GAREM1: variants seen among roughly 807,000 people sequenced by gnomAD.
GAREM1 encodes the protein GRB2-associated and regulator of MAPK protein 1.
A neutral mutation model predicts 71.3 loss-of-function variants in GAREM1; 26 were observed. That is an observed-to-expected ratio of 0.36 (90% CI 0.27 to 0.51). GAREM1 has a LOEUF of 0.51. GAREM1 is among the 20% of genes least tolerant of loss of function. GAREM1 has a pLI of 0.95. For missense variants in GAREM1, 1,026 were observed against 1,103.1 expected (o/e 0.93, Z 0.99); for synonymous variants, 440 against 433.2 (o/e 1.02, Z -0.20).
rs146799196 is a variant in GAREM1, at chr18:32,291,843, A to G, written c.394-3640T>C. ...AACTCATCCTTTTTTATGGCTGCAT[A>G]GTATTCCATGGTATATATCTGCCAC... On this transcript the variant is annotated intron_variant, in intron 3 of 5. Coordinates refer to ENST00000269209, the MANE Select transcript of GAREM1 (RefSeq NM_001242409.2). Among the ~76,000 whole-genome samples the G allele has an allele frequency of 6.7e-3, 1,016 of 152,292 alleles. 18 individuals carry two copies. The highest frequency in any genetic ancestry group is 0.045 in the East Asian group (235 of 5,184).
intron 3 of GAREM1, among the ~76,000 whole-genome samples, chr18:32,309,349 C>T (rs923428751): frequency 1.3e-5 from 2 of 149,340 alleles, no homozygotes; most frequent in African/African-American, 2.5e-5. Context: ...GACACGGTGG[C>T]TCACACCTGT....
At chr18:32,314,352 A>G (rs989471989) in intron 2 of GAREM1, among the ~76,000 whole-genome samples, 88 of 152,142 alleles carry the variant, frequency 5.8e-4, no homozygotes, top group Admixed American at 2.0e-4. Flanking sequence ...AGTTAGACAG[A>G]TGCCTAATTT....
intron 2 of GAREM1, among the ~76,000 whole-genome samples, chr18:32,355,290 A>G (rs2047793039): frequency 6.6e-6 from 1 of 152,160 alleles, no homozygotes; most frequent in African/African-American, 2.4e-5. Context: ...ACAACTCACA[A>G]AGCAAGAGGC....
At chr18:32,350,022 G>C (rs2047732066) in intron 2 of GAREM1, among the ~76,000 whole-genome samples, 2 of 152,212 alleles carry the variant, frequency 1.3e-5, no homozygotes, top group African/African-American at 4.8e-5. Context: ...TATGAAGTGG[G>C]AGAAAGAAAC....
chr18:32,276,586 C>T (rs892359095), intron 4 of GAREM1, among the ~76,000 whole-genome samples: 3 of 152,090 alleles, frequency 2.0e-5, no homozygotes, highest in Non-Finnish European at 4.4e-5. Context: ...GGTAATTTTA[C>T]TGAGAAAGTC....
At chr18:32,343,420 T>A (rs2047666780) in intron 2 of GAREM1, among the ~76,000 whole-genome samples, 1 of 151,260 alleles carries the variant, frequency 6.6e-6, no homozygotes, top group African/African-American at 2.4e-5. Flanking sequence ...GTTCAAGTGA[T>A]TCTCCTGCCT....
chr18:32,350,162 G>A (rs1689031), intron 2 of GAREM1, among the ~76,000 whole-genome samples: 1 of 152,044 alleles, frequency 6.6e-6, no homozygotes, highest in Non-Finnish European at 1.5e-5. Context: ...TATTTGAAAA[G>A]TTGAAAACTG....
At chr18:32,311,230 TTAG>T (rs2047318850) in intron 2 of GAREM1, among the ~76,000 whole-genome samples, 1 of 152,204 alleles carries the variant, frequency 6.6e-6, no homozygotes, top group East Asian at 1.9e-4. Flanking sequence ...ACAGTGTTTC[TTAG>T]TAGTTATTTT....
intron 3 of GAREM1, among the ~76,000 whole-genome samples, chr18:32,289,164 G>C (rs1280562049): frequency 1.7e-4 from 26 of 152,082 alleles, no homozygotes; most frequent in Admixed American, 1.7e-3. Flanking sequence ...CTGCAGCCTT[G>C]ACCTCCCAAG....
At chr18:32,373,840 A>T (rs562604187) in intron 2 of GAREM1, among the ~76,000 whole-genome samples, 1 of 152,372 alleles carries the variant, frequency 6.6e-6, no homozygotes, top group African/African-American at 2.4e-5. Context: ...TTTATAAATC[A>T]GTCTTTAAGG....
intron 2 of GAREM1, among the ~76,000 whole-genome samples, chr18:32,347,017 G>A (rs528685117): frequency 6.6e-6 from 1 of 152,300 alleles, no homozygotes; most frequent in East Asian, 1.9e-4. Context: ...AGAATTTGGA[G>A]AAGTCTGAAT....
chr18:32,466,959 A>C (rs945634911), intron 1 of GAREM1, among the ~76,000 whole-genome samples: 2 of 152,232 alleles, frequency 1.3e-5, no homozygotes, highest in African/African-American at 4.8e-5. Flanking sequence ...TATCATACAA[A>C]GGCAAATTTC....
Position 32,452,107 on chromosome 18 carries a change from G to A in GAREM1, c.121+18201C>T, listed in dbSNP as rs374290176. On this transcript the variant is annotated intron_variant, in intron 1 of 5. Coordinates refer to ENST00000269209, the MANE Select transcript of GAREM1 (RefSeq NM_001242409.2). The stretch of plus-strand genomic sequence containing the variant: ...GAGGTCATCATTAGCTAGCCAAGAC[G>A]TGCACAATGGCCCAAGATTCTGCAT... 7.8e-4 allele frequency among the ~76,000 whole-genome samples: 119 copies of A among 152,232 alleles called. 1 individual carries two copies. The highest frequency in any genetic ancestry group is 3.4e-3 in the Middle Eastern group (1 of 294).
At chr18:32,437,670 C>T (rs998642904) in intron 1 of GAREM1, among the ~76,000 whole-genome samples, 7 of 151,598 alleles carry the variant, frequency 4.6e-5, no homozygotes, top group South Asian at 2.1e-4. Context: ...CCTCTGAATG[C>T]GGAGACAGAT....
intron 2 of GAREM1, among the ~76,000 whole-genome samples, chr18:32,338,710 T>C (rs1338642975): frequency 6.6e-6 from 1 of 152,188 alleles, no homozygotes; most frequent in African/African-American, 2.4e-5. Flanking sequence ...GAGGCCATCT[T>C]TTCTAGACCT....
intron 1 of GAREM1, among the ~76,000 whole-genome samples, chr18:32,398,011 C>T (rs1421807031): frequency 2.0e-5 from 3 of 152,172 alleles, no homozygotes; most frequent in Non-Finnish European, 4.4e-5. Flanking sequence ...TTAAGAAACT[C>T]ACTCAAAACC....
chr18:32,302,881 C>T (rs2047214239), intron 3 of GAREM1, among the ~76,000 whole-genome samples: 1 of 152,206 alleles, frequency 6.6e-6, no homozygotes, highest in African/African-American at 2.4e-5. Context: ...AATCCTTCTC[C>T]CCACATTACA....
chr18:32,303,643 C>T, intron 3 of GAREM1, among the ~76,000 whole-genome samples: 1 of 152,250 alleles, frequency 6.6e-6, no homozygotes, highest in Non-Finnish European at 1.5e-5. Flanking sequence ...GCAGGCCAGG[C>T]ATGGTGGCTC....
chr18:32,429,328 G>A (rs1298134720), intron 1 of GAREM1, among the ~76,000 whole-genome samples: 1 of 152,026 alleles, frequency 6.6e-6, no homozygotes, highest in African/African-American at 2.4e-5. Context: ...CCTTTGGCAA[G>A]GGATCCAAAA....
Sources: allele counts gnomAD v4.1 joint callset (sites outside exome capture counted in the v4.1 genomes callset), GRCh38; gene constraint gnomAD v4.1.1; transcripts MANE v1.5; gene names NCBI Gene and HGNC (gene_info 2026-07-23, HGNC 2026-07-21).